PARVB: variants seen among roughly 807,000 people sequenced by gnomAD.
PARVB encodes beta-parvin.
A neutral mutation model predicts 47.0 loss-of-function variants in PARVB; 46 were observed. The observed-to-expected ratio is 0.98, with a 90% CI of 0.77 to 1.25. The LOEUF is 1.25. PARVB is among the 50% of genes most tolerant of loss of function. PARVB has a pLI of 0.00. For synonymous variants in PARVB, 196 were observed against 196.3 expected, an observed-to-expected ratio of 1.00 and a Z score of 0.01; for missense variants, 473 against 471.6, an observed-to-expected ratio of 1.00 and a Z score of -0.03.
At chr22:44,028,587 G>C (rs917412207) in intron 1 of PARVB, among the ~76,000 whole-genome samples, 5 of 152,204 alleles carry the variant, frequency 3.3e-5, no homozygotes, top group African/African-American at 1.2e-4. Flanking sequence ...AGTTTTGGCA[G>C]TTATGAATAA....
At chr22:44,134,002 G>A (rs922397481) in intron 6 of PARVB, among the ~76,000 whole-genome samples, 1 of 152,174 alleles carries the variant, frequency 6.6e-6, no homozygotes, top group African/African-American at 2.4e-5. Flanking sequence ...TGACCACTGC[G>A]GCCAGAGTTG....
intron 1 of PARVB, among the ~76,000 whole-genome samples, chr22:44,046,624 C>T (rs550336460): frequency 3.9e-5 from 6 of 152,218 alleles, no homozygotes; most frequent in Non-Finnish European, 7.3e-5. Context: ...AGGCTGGCCC[C>T]GATGACATGT....
intron 1 of PARVB, among the ~76,000 whole-genome samples, chr22:44,070,667 T>C (rs2051634119): frequency 6.6e-6 from 1 of 152,152 alleles, no homozygotes; most frequent in South Asian, 2.1e-4. Context: ...TAGCTCACAT[T>C]ATATGAGGCT....
chr22:44,039,263 A>G (rs1820992733), intron 1 of PARVB, among the ~76,000 whole-genome samples: 1 of 152,200 alleles, frequency 6.6e-6, no homozygotes, highest in South Asian at 2.1e-4. Context: ...AGAAGTAGGA[A>G]TCTGTGGCTG....
At chr22:44,041,481 G>C (rs1416841177) in intron 1 of PARVB, among the ~76,000 whole-genome samples, 1 of 152,152 alleles carries the variant, frequency 6.6e-6, no homozygotes, top group African/African-American at 2.4e-5. Flanking sequence ...GACAGAGCAA[G>C]ACTCCCTCTC....
At chr22:44,040,306 A>G (rs1457160947) in intron 1 of PARVB, among the ~76,000 whole-genome samples, 1 of 152,180 alleles carries the variant, frequency 6.6e-6, no homozygotes, top group Non-Finnish European at 1.5e-5. Context: ...AAATGTGTTA[A>G]AAAAAGATGA....
intron 1 of PARVB, among the ~76,000 whole-genome samples, chr22:44,042,897 C>G (rs1000423697): frequency 2.6e-5 from 4 of 152,150 alleles, no homozygotes; most frequent in Non-Finnish European, 5.9e-5. Flanking sequence ...AAATACTTAG[C>G]TGGCTTGATC....
In PARVB at chr22:44,147,931, T is replaced by C. The variant is rs765978647; in HGVS notation, c.774+9T>C. 1.2e-6 allele frequency: 2 copies of C among 1,612,986 alleles called. No individual in the cohort carries two copies. Among genetic ancestry groups the C allele is most frequent in the Non-Finnish European group, 8.5e-7 (1 of 1,179,244 alleles). On this transcript the variant is annotated intron_variant, in intron 9 of 12. Coordinates refer to ENST00000338758, the MANE Select transcript of PARVB (RefSeq NM_013327.5). ...TCAGCGTGGTGAAGAAGGTGAGCTA[T>C]TGGTGGGATGTTGGATGTGCTCTCC...
chr22:44,107,491 A>G (rs1160647350), intron 3 of PARVB: 1 of 152,144 alleles, frequency 6.6e-6, no homozygotes, highest in African/African-American at 2.4e-5. Context: ...CGATTTCCTG[A>G]GTGATAGGAG....
intron 1 of PARVB, among the ~76,000 whole-genome samples, chr22:44,063,346 C>T (rs1391271047): frequency 6.6e-6 from 1 of 151,982 alleles, no homozygotes; most frequent in East Asian, 1.9e-4. Flanking sequence ...CCTGCCTCAG[C>T]CTCCTGAGTA....
At chr22:44,091,490 C>A (rs537337035) in intron 1 of PARVB, among the ~76,000 whole-genome samples, 90 of 152,148 alleles carry the variant, frequency 5.9e-4, no homozygotes, top group African/African-American at 2.0e-3. Context: ...TTGCTACTTC[C>A]CCCGCCCCTG....
intron 2 of PARVB, among the ~76,000 whole-genome samples, chr22:44,094,900 C>T (rs1397786824): frequency 6.6e-6 from 1 of 151,672 alleles, no homozygotes; most frequent in East Asian, 1.9e-4. Context: ...CAGGAGCTGT[C>T]CTGAGTCTTC....
At chr22:44,052,876 G>A (rs1026589175) in intron 1 of PARVB, among the ~76,000 whole-genome samples, 8 of 152,118 alleles carry the variant, frequency 5.3e-5, no homozygotes, top group African/African-American at 1.7e-4. Flanking sequence ...TCAGGAGGTT[G>A]AGGCCACAGT....
intron 10 of PARVB, among the ~76,000 whole-genome samples, chr22:44,156,499 G>C (rs571878746): frequency 1.3e-5 from 2 of 152,200 alleles, no homozygotes; most frequent in South Asian, 2.1e-4. Flanking sequence ...GGCTGGTCTT[G>C]AACTCCTGAC....
rs140041493 is a variant in PARVB, at chr22:44,032,607, A to G, written c.112+8156A>G. On this transcript the variant is annotated intron_variant, in intron 1 of 12. Coordinates refer to ENST00000338758, the MANE Select transcript of PARVB (RefSeq NM_013327.5). ...ATGGTCCCTTGTGGAGCAAAGCAGC[A>G]CTTGTGGTGTAAGGAAGGAAAGCCT... Among the ~76,000 whole-genome samples the G allele has an allele frequency of 5.8e-3, 881 of 152,172 alleles. 6 individuals carry two copies. Among genetic ancestry groups the G allele is most frequent in the African/African-American group, 0.02 (846 of 41,510 alleles).
intron 1 of PARVB, among the ~76,000 whole-genome samples, chr22:44,064,778 C>G (rs540181749): frequency 1.3e-5 from 2 of 152,174 alleles, no homozygotes; most frequent in Admixed American, 6.5e-5. Context: ...CACTTGAGCC[C>G]GGGAGGTGGA....
chr22:44,161,210 GGGAGTGGAGGTGGGA>G (rs1182609891), intron 11 of PARVB, among the ~76,000 whole-genome samples: 1 of 152,088 alleles, frequency 6.6e-6, no homozygotes, highest in African/African-American at 2.4e-5. Context: ...GTGTTGCTAG[GGGAGTGGAGGTGGGA>G]GGCTCTTGGA....
At chr22:44,012,828 A>C (rs1427257880) in intron 2 of PARVB, among the ~76,000 whole-genome samples, 2 of 152,128 alleles carry the variant, frequency 1.3e-5, no homozygotes, top group African/African-American at 4.8e-5. Context: ...ATTTTGAGAA[A>C]TATCAGCTTC....
intron 1 of PARVB, among the ~76,000 whole-genome samples, chr22:44,088,616 C>T (rs896231895): frequency 3.5e-4 from 53 of 152,248 alleles, no homozygotes; most frequent in Non-Finnish European, 1.9e-4. Flanking sequence ...GGATTGCAGG[C>T]GCCCACTGCC....
Sources: gnomAD v4.1 joint callset for allele counts (sites outside exome capture counted in the v4.1 genomes callset) on GRCh38, gnomAD v4.1.1 for gene constraint, MANE v1.5 for transcripts, NCBI Gene and HGNC (gene_info 2026-07-23, HGNC 2026-07-21) for gene names.